FBXL7: variants seen among roughly 807,000 people sequenced by gnomAD.
The protein encoded by FBXL7 is F-box/LRR-repeat protein 7.
Under a neutral mutation model 38.3 loss-of-function variants are expected in FBXL7, and 12 were observed. The ratio of observed to expected loss-of-function variants is 0.31; its 90% CI spans 0.20 to 0.51. The LOEUF is 0.51. FBXL7 is among the 20% of genes least tolerant of loss of function. The pLI, the probability that FBXL7 is intolerant of heterozygous loss-of-function variation, is 0.98. For synonymous variants in FBXL7, 297 were observed against 300.9 expected, an observed-to-expected ratio of 0.99 and a Z score of 0.13; for missense variants, 567 against 676.4, an observed-to-expected ratio of 0.84 and a Z score of 1.79.
intron 2 of FBXL7, among the ~76,000 whole-genome samples, chr5:15,619,918 T>C (rs1397334801): frequency 6.6e-6 from 1 of 152,146 alleles, no homozygotes; most frequent in African/African-American, 2.4e-5. Flanking sequence ...GTGTTGTCAC[T>C]TCGTAGAAAA....
rs867840965 is a variant in FBXL7, at chr5:15,665,682, G to A, written c.127+49610G>A. 1.2e-4 allele frequency among the ~76,000 whole-genome samples: 19 copies of A among 152,150 alleles called. 1 individual carries two copies. In the South Asian group the frequency reaches 1.9e-3, roughly 15 times the overall value. ...AAAAATAATCCTTCAGATGAACAGAGTAGAGTAGTTCATATCCACAGCTAT... is the reference window on the plus strand; with the variant it reads ...AAAAATAATCCTTCAGATGAACAGAATAGAGTAGTTCATATCCACAGCTAT... On this transcript the variant is annotated intron_variant, in intron 2 of 3. Transcript: ENST00000504595.
At chr5:15,719,833 C>T (rs4702103) in intron 2 of FBXL7, among the ~76,000 whole-genome samples, 91,586 of 147,772 alleles carry the variant, frequency 0.62, 31,701 homozygotes, top group East Asian at 0.78. Flanking sequence ...ATCAATAAAA[C>T]ATTCAGCTAA....
At chr5:15,802,005 A>G (rs1480533719) in intron 2 of FBXL7, among the ~76,000 whole-genome samples, 1 of 152,082 alleles carries the variant, frequency 6.6e-6, no homozygotes, top group Non-Finnish European at 1.5e-5. Context: ...CCTCAGTAGA[A>G]CAAAGAAAGC....
intron 2 of FBXL7, among the ~76,000 whole-genome samples, chr5:15,730,467 T>A (rs1735552558): frequency 6.6e-6 from 1 of 152,136 alleles, no homozygotes; most frequent in Non-Finnish European, 1.5e-5. Context: ...TCCTTCAAGG[T>A]CCCACAATAT....
chr5:15,783,939 A>G (rs989983440), intron 2 of FBXL7, among the ~76,000 whole-genome samples: 1 of 152,142 alleles, frequency 6.6e-6, no homozygotes, highest in Admixed American at 6.5e-5. Context: ...CCAGGTAAAC[A>G]TGGATGTGGG....
At chr5:15,738,032 G>A (rs1364892381) in intron 2 of FBXL7, among the ~76,000 whole-genome samples, 2 of 152,096 alleles carry the variant, frequency 1.3e-5, no homozygotes, top group Non-Finnish European at 2.9e-5. Context: ...TTGCCTGTTG[G>A]AAATCTGCTC....
chr5:15,534,853 G>A (rs994987272), intron 1 of FBXL7, among the ~76,000 whole-genome samples: 4 of 152,202 alleles, frequency 2.6e-5, no homozygotes, highest in African/African-American at 9.7e-5. Flanking sequence ...TGGCCATTCT[G>A]ATAGGTGTCT....
At chr5:15,585,431 C>A (rs1739272120) in intron 1 of FBXL7, among the ~76,000 whole-genome samples, 1 of 152,214 alleles carries the variant, frequency 6.6e-6, no homozygotes, top group South Asian at 2.1e-4. Flanking sequence ...ATCACCTTAA[C>A]ACACCTCAAA....
chr5:15,550,775 C>T (rs368136401), intron 1 of FBXL7, among the ~76,000 whole-genome samples: 7 of 152,304 alleles, frequency 4.6e-5, no homozygotes, highest in East Asian at 3.9e-4. Context: ...TTGCTCATTC[C>T]GGGACTGCCC....
At chr5:15,565,518 T>C (rs1184707438) in intron 1 of FBXL7, among the ~76,000 whole-genome samples, 5 of 144,206 alleles carry the variant, frequency 3.5e-5, no homozygotes, top group Non-Finnish European at 7.4e-5. Flanking sequence ...ATCCTCTATA[T>C]ATTTATTCTT....
At chr5:15,886,093 G>A (rs1740664757) in intron 2 of FBXL7, among the ~76,000 whole-genome samples, 1 of 152,112 alleles carries the variant, frequency 6.6e-6, no homozygotes, top group Non-Finnish European at 1.5e-5. Flanking sequence ...AGAGCAAGAG[G>A]AAGAGAGAAG....
At position 15,580,923 on chromosome 5, in the gene FBXL7, C is replaced by T. The variant is rs568364621; in HGVS notation, c.38-35060C>T. ...ATCCTGTGATCCACTCTTAGCTAGC[C>T]GGGTGACCCAGCAGAGGCCTCTCTC... On this transcript the variant is annotated intron_variant, in intron 1 of 3. Coordinates refer to ENST00000504595, the MANE Select transcript of FBXL7 (RefSeq NM_012304.5). 45 of 633,944 alleles carry T rather than the reference C, an allele frequency of 7.1e-5. No homozygotes were observed. In the African/African-American group the frequency reaches 7.5e-4, roughly 11 times the overall value. The allele number at this position is 633,944 out of a possible 1,614,324, so 39.3% of individuals were successfully genotyped here. A position where few individuals can be genotyped will look rare whatever the true frequency, so the allele number is the denominator to read the frequency against.
intron 2 of FBXL7, among the ~76,000 whole-genome samples, chr5:15,634,291 C>G (rs1326147566): frequency 6.8e-6 from 1 of 147,700 alleles, no homozygotes; most frequent in African/African-American, 2.5e-5. Flanking sequence ...ACAAATCAAC[C>G]TAAAACTTTA....
At chr5:15,683,731 CTTCTCT>C (rs914207667) in intron 2 of FBXL7, among the ~76,000 whole-genome samples, 1 of 152,184 alleles carries the variant, frequency 6.6e-6, no homozygotes, top group African/African-American at 2.4e-5. Context: ...GAAAATGACC[CTTCTCT>C]TTAGTAATCC....
At chr5:15,709,628 T>C (rs954571128) in intron 2 of FBXL7, among the ~76,000 whole-genome samples, 1 of 152,018 alleles carries the variant, frequency 6.6e-6, no homozygotes, top group Non-Finnish European at 1.5e-5. Flanking sequence ...GCTATTACTC[T>C]TGTCTTAGAC....
At chr5:15,826,024 T>C (rs1308420558) in intron 2 of FBXL7, among the ~76,000 whole-genome samples, 1 of 152,176 alleles carries the variant, frequency 6.6e-6, no homozygotes, top group Non-Finnish European at 1.5e-5. Flanking sequence ...CTTAAAATTA[T>C]GAGATGGGAG....
intron 1 of FBXL7, among the ~76,000 whole-genome samples, chr5:15,594,532 A>G (rs1739567274): frequency 6.6e-6 from 1 of 152,206 alleles, no homozygotes; most frequent in Non-Finnish European, 1.5e-5. Context: ...AAACAGGAGC[A>G]TGACTGCTAC....
chr5:15,780,086 A>C (rs1466991636), intron 2 of FBXL7, among the ~76,000 whole-genome samples: 6 of 152,176 alleles, frequency 3.9e-5, no homozygotes, highest in African/African-American at 1.2e-4. Context: ...GGGGCAAAGG[A>C]AGTCTGAGTC....
intron 1 of FBXL7, among the ~76,000 whole-genome samples, chr5:15,585,773 T>C (rs1739280706): frequency 6.6e-6 from 1 of 152,226 alleles, no homozygotes; most frequent in Non-Finnish European, 1.5e-5. Flanking sequence ...TGTATCATAT[T>C]AAATATTTTT....
Sources: allele counts gnomAD v4.1 joint callset (sites outside exome capture counted in the v4.1 genomes callset), GRCh38; gene constraint gnomAD v4.1.1; transcripts MANE v1.5; gene names NCBI Gene and HGNC (gene_info 2026-07-23, HGNC 2026-07-21).